Variants in IPO11 observed in about 807,000 individuals in gnomAD.
IPO11 encodes the protein importin-11.
A neutral mutation model predicts 143.2 loss-of-function variants in IPO11; 66 were observed. The ratio of observed to expected loss-of-function variants is 0.46; its 90% CI spans 0.38 to 0.57. IPO11 has a LOEUF of 0.57. Among genes scored for constraint, IPO11 ranks in the 20% least tolerant of loss-of-function variants. The pLI is 0.00. For synonymous variants in IPO11, 385 were observed against 377.8 expected, an observed-to-expected ratio of 1.02 and a Z score of -0.22; for missense variants, 1,026 against 1,141.0, an observed-to-expected ratio of 0.90 and a Z score of 1.45.
rs1490108365 is a variant in IPO11, at chr5:62,506,219, TTTTC to T, written c.1666-14_1666-11del. On this transcript the variant is annotated intron_variant, in intron 18 of 29. Transcript: ENST00000325324. ...TCATTTCTATTATAAACCTTTTTTA[TTTTC>T]TTTCTTTTTACCTGCAGTATTTGGA... The T allele has an allele frequency of 1.7e-5, 23 of 1,345,250 alleles. No individual in the cohort carries two copies. In the Middle Eastern group the frequency reaches 1.1e-3, roughly 65 times the overall value. 83.3% of individuals were successfully genotyped at this position (1,345,250 alleles called of 1,614,324 possible). A position where few individuals can be genotyped will look rare whatever the true frequency, so the allele number is the denominator to read the frequency against.
intron 1 of IPO11, among the ~76,000 whole-genome samples, chr5:62,435,168 A>G (rs865986136): frequency 6.0e-5 from 5 of 83,854 alleles, no homozygotes; most frequent in East Asian, 3.2e-4. Context: ...ATATGTATAT[A>G]TATGTATATA....
intron 7 of IPO11, among the ~76,000 whole-genome samples, chr5:62,473,663 A>G (rs1745861004): frequency 6.6e-6 from 1 of 152,108 alleles, no homozygotes; most frequent in South Asian, 2.1e-4. Context: ...TTGCTAATTG[A>G]GTGTGTGACA....
intron 29 of IPO11, among the ~76,000 whole-genome samples, chr5:62,610,461 C>G (rs755218858): frequency 7.2e-5 from 11 of 152,244 alleles, no homozygotes; most frequent in Non-Finnish European, 1.5e-4. Flanking sequence ...ATGTGTCTGT[C>G]TTTTGGTTGT....
intron 2 of IPO11, among the ~76,000 whole-genome samples, chr5:62,438,491 T>C (rs995723903): frequency 6.6e-6 from 1 of 152,116 alleles, no homozygotes; most frequent in Admixed American, 6.5e-5. Flanking sequence ...AGTGGCTCAC[T>C]CCTGTAATCC....
chr5:62,622,029 A>C (rs1188186487), intron 29 of IPO11, among the ~76,000 whole-genome samples: 1 of 152,002 alleles, frequency 6.6e-6, no homozygotes, highest in African/African-American at 2.4e-5. Context: ...GCTTGTAATT[A>C]GTAGCTGAAG....
chr5:62,504,515 G>A (rs1741477300), intron 16 of IPO11, 152 bp from the exon 17 acceptor site: 1 of 529,154 alleles, frequency 1.9e-6, no homozygotes, highest in East Asian at 3.4e-5. Flanking sequence ...TGGATAAGGA[G>A]AGTATCCCTT....
intron 29 of IPO11, among the ~76,000 whole-genome samples, chr5:62,620,680 G>A (rs756668813): frequency 3.3e-4 from 50 of 152,292 alleles, no homozygotes; most frequent in South Asian, 2.1e-4. Context: ...TCTGGGTTGT[G>A]GAGACCAAAG....
At chr5:62,567,344 G>C (rs1462646319) in intron 27 of IPO11, among the ~76,000 whole-genome samples, 1 of 151,712 alleles carries the variant, frequency 6.6e-6, no homozygotes, top group Admixed American at 6.6e-5. Flanking sequence ...TCGACTCTTT[G>C]TGATCATTGA....
intron 28 of IPO11, among the ~76,000 whole-genome samples, chr5:62,600,388 G>A (rs1220175046): frequency 6.6e-6 from 1 of 152,124 alleles, no homozygotes; most frequent in Non-Finnish European, 1.5e-5. Flanking sequence ...AGAACAGAGA[G>A]CATTCACTAT....
chr5:62,415,883 T>C (rs1350535526), intron 1 of IPO11, among the ~76,000 whole-genome samples: 1 of 152,248 alleles, frequency 6.6e-6, no homozygotes, highest in Non-Finnish European at 1.5e-5. Flanking sequence ...TGAAGACCTC[T>C]ATCTGTCCAT....
chr5:62,606,330 T>C (rs1004162626), intron 29 of IPO11, among the ~76,000 whole-genome samples: 2 of 147,204 alleles, frequency 1.4e-5, no homozygotes. Context: ...AAAAAAAAAA[T>C]TTAGCTGGGC....
At chr5:62,557,336 A>C (rs1039251535) in intron 26 of IPO11, among the ~76,000 whole-genome samples, 1 of 152,100 alleles carries the variant, frequency 6.6e-6, no homozygotes, top group African/African-American at 2.4e-5. Flanking sequence ...GGTGCACGCC[A>C]CCAAGCCTGG....
At chr5:62,598,410 TTC>T (rs1187702137) in intron 28 of IPO11, among the ~76,000 whole-genome samples, 1 of 9,756 alleles carries the variant, frequency 1.0e-4, no homozygotes, top group East Asian at 3.1e-3. Context: ...CTTTCTTTCT[TTC>T]TTTCTTTCTT....
At chr5:62,604,164 C>T (rs1745612799) in intron 29 of IPO11, among the ~76,000 whole-genome samples, 1 of 152,182 alleles carries the variant, frequency 6.6e-6, no homozygotes, top group South Asian at 2.1e-4. Flanking sequence ...GACTATATAT[C>T]TCGAGAAGTA....
At chr5:62,588,423 G>GT (rs1041933417) in intron 27 of IPO11, among the ~76,000 whole-genome samples, 3 of 152,038 alleles carry the variant, frequency 2.0e-5, no homozygotes, top group African/African-American at 7.2e-5. Context: ...GTAGAGACAA[G>GT]GGTCTCACTT....
At position 62,595,027 on chromosome 5, in the gene IPO11, G is replaced by T. The variant is rs116407894; in HGVS notation, c.2678+3355G>T. Among the ~76,000 whole-genome samples the T allele has an allele frequency of 7.1e-3, 1,081 of 152,322 alleles. 14 individuals are homozygous for T. Among genetic ancestry groups the T allele is most frequent in the African/African-American group, 0.024 (1,016 of 41,572 alleles). On this transcript the variant is annotated intron_variant, in intron 28 of 29. Coordinates refer to ENST00000325324, the MANE Select transcript of IPO11 (RefSeq NM_016338.5). Reference sequence around the variant, plus strand: ...AGAAAGGTCACTTTGATGCATTGTGGAGGACGACAGAAGGGGTAGATGCTG... The same window carrying T: ...AGAAAGGTCACTTTGATGCATTGTGTAGGACGACAGAAGGGGTAGATGCTG...
At chr5:62,474,917 G>A (rs1483216109) in intron 8 of IPO11, among the ~76,000 whole-genome samples, 1 of 152,212 alleles carries the variant, frequency 6.6e-6, no homozygotes, top group East Asian at 1.9e-4. Context: ...TCTGGGGCAG[G>A]ACGGAGTGGG....
At position 62,616,494 on chromosome 5, in the gene IPO11, G is replaced by A. The variant is rs148260488; in HGVS notation, c.2764-10660G>A. On this transcript the variant is annotated intron_variant, in intron 29 of 29. Transcript: ENST00000325324. Reference sequence around the variant, plus strand: ...CACACCTGTAATCCCAGCACTTTGGGAGGTCGAGGCGGGTGGATCACTTGA... The same window carrying A: ...CACACCTGTAATCCCAGCACTTTGGAAGGTCGAGGCGGGTGGATCACTTGA... Among the ~76,000 whole-genome samples the A allele has an allele frequency of 7.8e-3, 1,191 of 152,172 alleles. 7 individuals are homozygous for A. The highest frequency in any genetic ancestry group is 0.027 in the African/African-American group (1,107 of 41,506).
intron 29 of IPO11, among the ~76,000 whole-genome samples, chr5:62,621,692 A>G (rs1443882486): frequency 1.3e-5 from 2 of 152,230 alleles, no homozygotes; most frequent in African/African-American, 4.8e-5. Flanking sequence ...TGATAATTAT[A>G]TATAAATGTA....
Sources: allele counts gnomAD v4.1 joint callset (sites outside exome capture counted in the v4.1 genomes callset), GRCh38; gene constraint gnomAD v4.1.1; transcripts MANE v1.5; gene names NCBI Gene and HGNC (gene_info 2026-07-23, HGNC 2026-07-21).